The following UMODL1 variants were observed in gnomAD, a reference collection of about 807,000 sequenced individuals.
UMODL1 encodes the protein uromodulin like 1.
Under a neutral mutation model 136.3 loss-of-function variants are expected in UMODL1, and 128 were observed. The observed-to-expected ratio is 0.94, with a 90% CI of 0.81 to 1.09. The LOEUF is 1.09. Among genes scored for constraint, UMODL1 ranks in the 50% least tolerant of loss-of-function variants. UMODL1 has a pLI of 0.00. For synonymous variants in UMODL1, 721 were observed against 720.0 expected, an observed-to-expected ratio of 1.00 and a Z score of -0.02; for missense variants, 1,766 against 1,725.6, an observed-to-expected ratio of 1.02 and a Z score of -0.41.
chr21:42,090,468 G>A (rs750476751), intron 6 of UMODL1, 30 bp downstream of exon 6: 8 of 1,611,118 alleles, frequency 5.0e-6, no homozygotes, highest in Admixed American at 3.3e-5. Flanking sequence ...AGATGGCATG[G>A]GAATGGCTTA....
At chr21:42,096,484 A>G (rs2066559260) in intron 6 of UMODL1, among the ~76,000 whole-genome samples, 1 of 152,184 alleles carries the variant, frequency 6.6e-6, no homozygotes, top group Non-Finnish European at 1.5e-5. Flanking sequence ...ACCCTGTGAG[A>G]CTTCTTTCCA....
intron 2 of UMODL1, among the ~76,000 whole-genome samples, chr21:42,082,260 T>G (rs2146434279): frequency 6.6e-6 from 1 of 152,132 alleles, no homozygotes; most frequent in African/African-American, 2.4e-5. Flanking sequence ...CGTTGCAGAG[T>G]GCTCTGCAGA....
chr21:42,136,658 G>A (rs220173), intron 21 of UMODL1, among the ~76,000 whole-genome samples: 1 of 152,014 alleles, frequency 6.6e-6, no homozygotes, highest in Admixed American at 6.5e-5. Context: ...CTGTGAACAG[G>A]GGTGTACAAA....
chr21:42,093,123 A>G (rs1300830878), intron 6 of UMODL1, among the ~76,000 whole-genome samples: 1 of 152,266 alleles, frequency 6.6e-6, no homozygotes, highest in Admixed American at 6.5e-5. Context: ...GTAGAGCTCC[A>G]GAAGAGTTGA....
rs220126 is a variant in UMODL1, at chr21:42,110,898, T to C, written c.1676T>C (p.Met559Thr). The change falls in exon 11 of 23, where the codon ATG becomes ACG. Residue 559 changes from methionine to threonine, a missense_variant. Met to Thr is a moderately conservative substitution (Grantham distance 81, BLOSUM62 -1). Coordinates refer to ENST00000408910, the MANE Select transcript of UMODL1 (RefSeq NM_001004416.3). ...TTGGCAGGTGACCTGGTGAGCCCCA[T>C]GGGCGGTGGACTGTCTGCGGCAACA... ...RACEGDLVSPMGGGLSAATGV... is the reference protein window; with the variant it reads ...RACEGDLVSPTGGGLSAATGV... The C allele has an allele frequency of 0.8, 1,289,534 of 1,607,750 alleles. 519,167 individuals carry two copies. The highest frequency in any genetic ancestry group is 0.87 in the East Asian group (38,998 of 44,636).
chr21:42,081,769 C>A (rs1317097240), intron 2 of UMODL1, among the ~76,000 whole-genome samples: 1 of 152,232 alleles, frequency 6.6e-6, no homozygotes, highest in Admixed American at 6.5e-5. Flanking sequence ...GGAACTGACA[C>A]TGGGCATTGT....
At chr21:42,119,069 T>C (rs2066935156) in intron 14 of UMODL1, 42 bp from the exon 15 acceptor site, 2 of 1,593,218 alleles carry the variant, frequency 1.3e-6, no homozygotes, top group East Asian at 4.5e-5. Flanking sequence ...ATCTGTTTCC[T>C]CTCAGCGTGG....
upstream of UMODL1, among the ~76,000 whole-genome samples, chr21:42,068,620 TGC>T (rs1434293251): frequency 6.6e-6 from 1 of 152,214 alleles, no homozygotes; most frequent in Non-Finnish European, 1.5e-5. This position sits in a 1 kb window ranked among gnomAD's most constrained non-coding sequence, Gnocchi z 5.5. Flanking sequence ...TGCCTGCACC[TGC>T]CCGGCAGCCG....
Position 42,127,821 on chromosome 21 carries a change from C to T in UMODL1, c.3680C>T (p.Thr1227Met), listed in dbSNP as rs536571106. The T allele has an allele frequency of 8.1e-6, 13 of 1,610,986 alleles. No individual in the cohort carries two copies. The highest frequency in any genetic ancestry group is 5.3e-5 in the African/African-American group (4 of 74,808). The stretch of plus-strand genomic sequence containing the variant: ...GTCTGCATGGAATCCCCCGGAGCCA[C>T]GTGCAAAATCGTAAGTGTTTTTTGG... The part of the protein sequence containing the change: ...LRVCMESPGA[T>M]CKINCNNFRL... Residue 1227 changes from threonine to methionine, a missense_variant, in exon 20 of 23, where the codon ACG becomes ATG. By Grantham distance (81) the Thr-to-Met change is moderately conservative. Coordinates refer to ENST00000408910, the MANE Select transcript of UMODL1 (RefSeq NM_001004416.3).
At chr21:42,089,233 G>A (rs1316464991) in intron 5 of UMODL1, among the ~76,000 whole-genome samples, 1 of 152,172 alleles carries the variant, frequency 6.6e-6, no homozygotes, top group Non-Finnish European at 1.5e-5. Context: ...CTGCTCCCAG[G>A]GCTTTGCAGG....
At chr21:42,103,283 C>G in intron 8 of UMODL1, 1 of 210,190 alleles carries the variant, frequency 4.8e-6, no homozygotes, top group Non-Finnish European at 9.8e-6. Flanking sequence ...GAGGAGGAAT[C>G]TGGTTTTCAA....
At chr21:42,086,431 C>CA in intron 4 of UMODL1, 1 of 436,724 alleles carries the variant, frequency 2.3e-6, no homozygotes, top group South Asian at 1.6e-5. Context: ...GTGCACACCT[C>CA]ATGTTGTTCT....
At chr21:42,091,384 C>A (rs2066490671) in intron 6 of UMODL1, among the ~76,000 whole-genome samples, 1 of 152,152 alleles carries the variant, frequency 6.6e-6, no homozygotes, top group South Asian at 2.1e-4. Flanking sequence ...ATAAACGTGC[C>A]CAGGTCTGTC....
intron 6 of UMODL1, among the ~76,000 whole-genome samples, chr21:42,098,373 T>G (rs1188641286): frequency 6.6e-6 from 1 of 152,114 alleles, no homozygotes; most frequent in Non-Finnish European, 1.5e-5. Flanking sequence ...CATCACCTAA[T>G]GCAATCCTGA....
chr21:42,075,044 G>A (rs772991079), intron 1 of UMODL1, among the ~76,000 whole-genome samples: 9 of 151,782 alleles, frequency 5.9e-5, no homozygotes, highest in Middle Eastern at 3.2e-3. Flanking sequence ...GACTACAGGC[G>A]CCCACCGCCA....
Position 42,088,442 on chromosome 21 carries a change from C to T in UMODL1, c.752C>T (p.Ala251Val), listed in dbSNP as rs201359937. The change falls in exon 5 of 23, where the codon GCG becomes GTG. Residue 251 changes from alanine to valine, a missense_variant. Physicochemically the swap from Ala to Val is moderately conservative, Grantham distance 64. Transcript: ENST00000408910. ...GTCTCCACCCTGCTGGGTGACATTG[C>T]GAAGCGTGTCTATGAAGTGATCAGC... ...ADVSTLLGDI[A>V]KRVYEVISVQ... The T allele has an allele frequency of 8.7e-6, 14 of 1,613,106 alleles. No individual in the cohort carries two copies. The highest frequency in any genetic ancestry group is 6.6e-5 in the South Asian group (6 of 91,040).
intron 2 of UMODL1, among the ~76,000 whole-genome samples, chr21:42,082,804 C>T (rs2066378086): frequency 1.3e-5 from 2 of 152,240 alleles, no homozygotes; most frequent in Non-Finnish European, 2.9e-5. Flanking sequence ...GGTTCGGTTT[C>T]TTCTCCTTGC....
intron 12 of UMODL1, among the ~76,000 whole-genome samples, chr21:42,112,254 C>T (rs926182384): frequency 6.6e-6 from 1 of 152,056 alleles, no homozygotes; most frequent in South Asian, 2.1e-4. Flanking sequence ...TTTTCTGCAC[C>T]CCCGGCTCTT....
chr21:42,127,954 G>T (rs750425669), intron 20 of UMODL1, 123 bp downstream of exon 20: 1 of 1,280,740 alleles, frequency 7.8e-7, no homozygotes, highest in Non-Finnish European at 1.1e-6. Flanking sequence ...GGGAGGAGTC[G>T]CTGTGCCTGT....
Sources: gnomAD v4.1 joint callset for allele counts (sites outside exome capture counted in the v4.1 genomes callset) on GRCh38, gnomAD v4.1.1 for gene constraint, Gnocchi (gnomAD v3.1) non-coding constraint, MANE v1.5 for transcripts, NCBI Gene and HGNC (gene_info 2026-07-23, HGNC 2026-07-21) for gene names.